Variants in SYT10 observed in about 807,000 individuals in gnomAD.
SYT10 encodes the protein synaptotagmin-10.
Under a neutral mutation model 51.1 loss-of-function variants are expected in SYT10, and 31 were observed. The ratio of observed to expected loss-of-function variants is 0.61; its 90% CI spans 0.46 to 0.82. SYT10 has a LOEUF of 0.82. Ranked by LOEUF, SYT10 falls within the 40% of genes least tolerant of loss-of-function variation. SYT10 has a pLI of 0.00. For missense variants in SYT10, 603 were observed against 634.0 expected, an observed-to-expected ratio of 0.95 and a Z score of 0.53; for synonymous variants, 233 against 225.9, an observed-to-expected ratio of 1.03 and a Z score of -0.28.
intron 5 of SYT10, among the ~76,000 whole-genome samples, chr12:33,380,664 C>A (rs1405222507): frequency 6.6e-6 from 1 of 152,138 alleles, no homozygotes; most frequent in African/African-American, 2.4e-5. Context: ...CCCACCATGA[C>A]CATGAATATC....
chr12:33,387,877 G>T (rs1866170875), intron 3 of SYT10, among the ~76,000 whole-genome samples: 1 of 151,784 alleles, frequency 6.6e-6, no homozygotes, highest in African/African-American at 2.4e-5. Context: ...AGCCTAGCTG[G>T]GATTATAGGC....
At chr12:33,398,538 A>G (rs1026255340) in intron 3 of SYT10, among the ~76,000 whole-genome samples, 1 of 152,100 alleles carries the variant, frequency 6.6e-6, no homozygotes, top group Non-Finnish European at 1.5e-5. Context: ...ACAAAAAGCA[A>G]TAATATCTAC....
rs147415612 is a variant in SYT10, at chr12:33,423,617, C to T, written c.509+2521G>A. On this transcript the variant is annotated intron_variant, in intron 2 of 6. Coordinates refer to ENST00000228567, the MANE Select transcript of SYT10 (RefSeq NM_198992.4). ...AAGGCTAAACAAGTTCAAATAATGA[C>T]TCTAGTCATTCATGATATTCATATA... Among the ~76,000 whole-genome samples, 74 of 152,192 alleles carry T rather than the reference C, an allele frequency of 4.9e-4. 5 individuals are homozygous for T. Among genetic ancestry groups the T allele is most frequent in the East Asian group, 2.9e-3 (15 of 5,172 alleles).
chr12:33,408,447 T>C (rs984974994), intron 2 of SYT10: 1 of 152,208 alleles, frequency 6.6e-6, no homozygotes, highest in Non-Finnish European at 1.5e-5. Context: ...ATATTAAATA[T>C]ATAAGCTTAC....
intron 3 of SYT10, among the ~76,000 whole-genome samples, chr12:33,404,596 C>T (rs1000982772): frequency 6.6e-6 from 1 of 151,914 alleles, no homozygotes; most frequent in Non-Finnish European, 1.5e-5. Flanking sequence ...TTTCACCATG[C>T]TGGCCAGGCT....
chr12:33,415,601 G>A (rs1198522243), intron 2 of SYT10, among the ~76,000 whole-genome samples: 2 of 152,126 alleles, frequency 1.3e-5, no homozygotes, highest in East Asian at 3.8e-4. Context: ...ATAATTAAAT[G>A]TTTAAAAGAA....
rs941705806 is a variant in SYT10, at chr12:33,439,576, C to T, written c.-54G>A. On this transcript the variant is annotated 5_prime_UTR_variant, in exon 1 of 7. Transcript: ENST00000228567. ...TTTTCCCAGTTAGCCGTCTTTTCCT[C>T]TTCCCGTACCTCTAACCCCTCTGGC... The T allele has an allele frequency of 1.8e-5, 28 of 1,588,166 alleles. No homozygotes were observed. The African/African-American group carries it at 3.4e-4, about 19-fold the overall frequency.
At chr12:33,388,821 T>G (rs1212937252) in intron 3 of SYT10, among the ~76,000 whole-genome samples, 1 of 152,162 alleles carries the variant, frequency 6.6e-6, no homozygotes, top group Non-Finnish European at 1.5e-5. Context: ...TTATAAAGTT[T>G]TTTCCATGTA....
intron 3 of SYT10, among the ~76,000 whole-genome samples, chr12:33,387,124 A>G (rs1403416201): frequency 6.6e-6 from 1 of 152,172 alleles, no homozygotes; most frequent in Non-Finnish European, 1.5e-5. Flanking sequence ...GGGGTCTTAA[A>G]CTTTTTTCAT....
At chr12:33,409,869 G>A (rs144851942) in intron 2 of SYT10, among the ~76,000 whole-genome samples, 2,344 of 152,100 alleles carry the variant, frequency 0.015, 28 homozygotes, top group South Asian at 0.023. Context: ...TTGAAGAATA[G>A]GGTAAAGATG....
intron 3 of SYT10, among the ~76,000 whole-genome samples, chr12:33,391,233 C>T (rs1389460375): frequency 1.7e-5 from 2 of 114,988 alleles, no homozygotes; most frequent in Non-Finnish European, 1.7e-5. Flanking sequence ...CAACGCCTGG[C>T]TGCTTTTTAT....
chr12:33,375,072 T>C lies in SYT10; in HGVS notation c.*1758A>G, dbSNP rs1866051130. The C allele has an allele frequency of 1.3e-5, 2 of 152,008 alleles. No homozygotes were observed. Among genetic ancestry groups the C allele is most frequent in the Non-Finnish European group, 2.9e-5 (2 of 67,914 alleles). 9.4% of individuals were successfully genotyped at this position (152,008 alleles called of 1,614,324 possible). On this transcript the variant is annotated 3_prime_UTR_variant, in exon 7 of 7. Transcript: ENST00000228567. Reference sequence around the variant, plus strand: ...CATCTTTCATTTTACCTATAGCAAATAATTCTTTTAGGCTCGACAAGGTAG... The same window carrying C: ...CATCTTTCATTTTACCTATAGCAAACAATTCTTTTAGGCTCGACAAGGTAG...
intron 3 of SYT10, 75 bp downstream of exon 3, chr12:33,406,714 T>C (rs1866355785): frequency 8.0e-7 from 1 of 1,252,728 alleles, no homozygotes; most frequent in Non-Finnish European, 1.1e-6. Context: ...CTTATTCCGA[T>C]AATTTGGGTA....
intron 5 of SYT10, among the ~76,000 whole-genome samples, chr12:33,382,020 C>T (rs1866119346): frequency 6.6e-6 from 1 of 152,082 alleles, no homozygotes; most frequent in Non-Finnish European, 1.5e-5. Flanking sequence ...ATTCATATTC[C>T]AGCCTAGTTG....
chr12:33,439,718 G>T lies in SYT10; in HGVS notation c.-196C>A. On this transcript the variant is annotated 5_prime_UTR_variant, in exon 1 of 7. Coordinates refer to ENST00000228567, the MANE Select transcript of SYT10 (RefSeq NM_198992.4). ...GCGGGAGCGGAGGGCGTAGGGGAAG[G>T]AGAGGCGCGCGAGGAGGCTGCGGCT... 3.2e-6 allele frequency: 2 copies of T among 624,558 alleles called. No individual in the cohort carries two copies. Among genetic ancestry groups the T allele is most frequent in the Non-Finnish European group, 2.6e-6 (1 of 382,686 alleles). 38.7% of individuals were successfully genotyped at this position (624,558 alleles called of 1,614,324 possible). A position where few individuals can be genotyped will look rare whatever the true frequency, so the allele number is the denominator to read the frequency against.
intron 2 of SYT10, among the ~76,000 whole-genome samples, chr12:33,409,146 C>T (rs1217725440): frequency 6.6e-6 from 1 of 152,168 alleles, no homozygotes; most frequent in Admixed American, 6.5e-5. Flanking sequence ...CAGGTCTACA[C>T]CTGTTACAGC....
At chr12:33,383,475 A>G (rs1466521657) in intron 4 of SYT10, among the ~76,000 whole-genome samples, 9 of 152,186 alleles carry the variant, frequency 5.9e-5, no homozygotes, top group Non-Finnish European at 1.3e-4. Context: ...AAGTATTCCC[A>G]TCAAGAAGCA....
intron 3 of SYT10, among the ~76,000 whole-genome samples, chr12:33,393,559 T>G (rs1866228734): frequency 6.6e-6 from 1 of 152,182 alleles, no homozygotes; most frequent in South Asian, 2.1e-4. Context: ...TTGACATTGT[T>G]CCACTTCTTG....
At chr12:33,416,244 C>G (rs1477975344) in intron 2 of SYT10, among the ~76,000 whole-genome samples, 2 of 152,068 alleles carry the variant, frequency 1.3e-5, no homozygotes, top group African/African-American at 2.4e-5. Flanking sequence ...CCACGCCCCG[C>G]TGATTTTTTT....
Sources: allele counts gnomAD v4.1 joint callset (sites outside exome capture counted in the v4.1 genomes callset), GRCh38; gene constraint gnomAD v4.1.1; transcripts MANE v1.5; gene names NCBI Gene and HGNC (gene_info 2026-07-23, HGNC 2026-07-21).